Variants in TRMO observed in about 807,000 individuals in gnomAD.
The protein encoded by TRMO is tRNA (adenine(37)-N6)-methyltransferase.
Under a neutral mutation model 37.2 loss-of-function variants are expected in TRMO, and 30 were observed. The observed-to-expected ratio is 0.81, with a 90% CI of 0.60 to 1.09. The LOEUF (loss-of-function observed/expected upper bound fraction) is 1.09. TRMO is among the 50% of genes least tolerant of loss of function. TRMO has a pLI of 0.00. For synonymous variants in TRMO, 239 were observed against 199.4 expected (o/e 1.20, Z -1.67); for missense variants, 552 against 549.5 (o/e 1.00, Z -0.05).
chr9:97,912,393 G>A (rs1376767633), intron 3 of TRMO: 2 of 154,690 alleles, frequency 1.3e-5, no homozygotes, highest in Non-Finnish European at 2.9e-5. Context: ...TTCAGTGCTA[G>A]AAAATATGTC....
intron 2 of TRMO, among the ~76,000 whole-genome samples, chr9:97,914,581 G>C (rs1396272165): frequency 6.6e-6 from 1 of 151,914 alleles, no homozygotes; most frequent in Non-Finnish European, 1.5e-5. Flanking sequence ...GTGTCTAAGG[G>C]GGTTTGTCAC....
chr9:97,915,015 G>T (rs1229397988), intron 2 of TRMO, among the ~76,000 whole-genome samples: 1 of 152,054 alleles, frequency 6.6e-6, no homozygotes, highest in East Asian at 1.9e-4. Flanking sequence ...ATACAAACTA[G>T]GTCAGAACAT....
intron 1 of TRMO, among the ~76,000 whole-genome samples, chr9:97,921,993 C>A (rs1826664333): frequency 6.6e-6 from 1 of 152,038 alleles, no homozygotes; most frequent in African/African-American, 2.4e-5. Flanking sequence ...CTTTCTAGGC[C>A]CAATTTAAAA....
chr9:97,909,399 T>C (rs1464286325), intron 4 of TRMO, among the ~76,000 whole-genome samples: 3 of 152,156 alleles, frequency 2.0e-5, no homozygotes, highest in Admixed American at 6.5e-5. Context: ...GCAGGCTCCA[T>C]GTAAGAGCCC....
intron 1 of TRMO, among the ~76,000 whole-genome samples, chr9:97,920,779 T>C (rs940488873): frequency 3.3e-5 from 5 of 152,250 alleles, no homozygotes; most frequent in African/African-American, 1.2e-4. Flanking sequence ...CTGTCCCCAC[T>C]GCAAGTTCTT....
At chr9:97,922,285 G>C in intron 1 of TRMO, 133 bp downstream of exon 1, 1 of 657,736 alleles carries the variant, frequency 1.5e-6, no homozygotes, top group Non-Finnish European at 2.6e-6. Context: ...CACGTGACCC[G>C]TGCCTTCGCC....
At chr9:97,912,842 A>G in intron 3 of TRMO, 2 of 985,110 alleles carry the variant, frequency 2.0e-6, no homozygotes, top group Non-Finnish European at 2.9e-6. Context: ...ATACGAACAC[A>G]CAGTTAAAAC....
rs774568709 is a variant in TRMO at position 97,922,402 on chromosome 9, C to T, written c.76+16G>A. The stretch of plus-strand genomic sequence containing the variant: ...AAACCTCTCCAGAGTGTGGCACCGC[C>T]GGTGTTGGAAGTTACCTGTCTCCAG... On this transcript the variant is annotated intron_variant, in intron 1 of 4. Transcript: ENST00000375119. The T allele has an allele frequency of 3.3e-6, 5 of 1,534,172 alleles. No homozygotes were observed. Among genetic ancestry groups the T allele is most frequent in the Non-Finnish European group, 3.6e-6 (4 of 1,124,818 alleles).
Position 97,913,485 on chromosome 9 carries a change from C to T in TRMO, c.325G>A (p.Ala109Thr), listed in dbSNP as rs1044165570. Residue 109 changes from alanine to threonine, a missense_variant, in exon 3 of 5, where the codon GCA (alanine) becomes ACA (threonine). Transcript: ENST00000375119. ...CTTGTGGAAAAAACTCCAGTCTTTG[C>T]ACCATTCAGCCTAGGAGGCTGCACT... ...AKVQPPRLNG[A>T]KTGVFSTRSP... 9 of 1,613,968 alleles carry T rather than the reference C, an allele frequency of 5.6e-6. No individual in the cohort carries two copies. Among genetic ancestry groups the T allele is most frequent in the Admixed American group, 5.0e-5 (3 of 59,988 alleles).
At chr9:97,903,207 G>T (rs961070642), downstream of TRMO, among the ~76,000 whole-genome samples, 1 of 152,068 alleles carries the variant, frequency 6.6e-6, no homozygotes, top group Admixed American at 6.5e-5. Flanking sequence ...GGTTAAGGCT[G>T]CAGTGAGCTA....
At chr9:97,914,100 T>G (rs1826248838) in intron 2 of TRMO, 1 of 152,812 alleles carries the variant, frequency 6.5e-6, no homozygotes, top group Non-Finnish European at 1.5e-5. Context: ...ATTACATTTA[T>G]GTACTACAAA....
At chr9:97,913,283 T>C in intron 3 of TRMO, 118 bp downstream of exon 3, 1 of 1,211,986 alleles carries the variant, frequency 8.3e-7, no homozygotes, top group Non-Finnish European at 1.2e-6. Flanking sequence ...GTCTGGTGGT[T>C]CTCAGGAGTT....
Position 97,907,174 on chromosome 9 carries a change from C to T in TRMO, c.1067-2182G>A, listed in dbSNP as rs143742856. 1.7e-3 allele frequency among the ~76,000 whole-genome samples: 258 copies of T among 152,340 alleles called. 1 individual carries two copies. The highest frequency in any genetic ancestry group is 5.9e-3 in the African/African-American group (244 of 41,576). On this transcript the variant is annotated intron_variant, in intron 4 of 4. Transcript: ENST00000375119. ...TCACCACTCATGACCACGAGACTGC[C>T]GTGTCCAGAAGTGCAGGGGGTGCCC... is the stretch of plus-strand genomic sequence containing the variant.
the TRMO span, among the ~76,000 whole-genome samples, chr9:97,899,220 T>G: frequency 1.0e-5 from 1 of 98,100 alleles, no homozygotes; most frequent in Non-Finnish European, 2.0e-5. Context: ...GAAAGCGTAC[T>G]AAAAAAAACC....
the TRMO span, among the ~76,000 whole-genome samples, chr9:97,897,537 C>G: frequency 6.6e-6 from 1 of 152,168 alleles, no homozygotes; most frequent in Non-Finnish European, 1.5e-5. Context: ...TTTGCTGACC[C>G]CTCTTCTAAG....
intron 3 of TRMO, chr9:97,912,892 G>A (rs543265880): frequency 6.6e-5 from 86 of 1,300,034 alleles, no homozygotes; most frequent in Non-Finnish European, 8.6e-5. Context: ...GTTTGTCCTT[G>A]TAGTGTGATT....
At chr9:97,904,430 T>C, downstream of TRMO, 1 of 1,100,064 alleles carries the variant, frequency 9.1e-7, no homozygotes, top group South Asian at 2.9e-5. Context: ...GGAATGAACT[T>C]TGTCTAATTT....
intron 2 of TRMO, 128 bp downstream of exon 2, chr9:97,916,036 C>G (rs1278872318): frequency 3.0e-5 from 19 of 638,570 alleles, no homozygotes; most frequent in Non-Finnish European, 2.6e-6. Flanking sequence ...GACCCTGACT[C>G]AAAAACAAAA....
At chr9:97,918,055 G>A (rs1050778201) in intron 1 of TRMO, among the ~76,000 whole-genome samples, 7 of 151,484 alleles carry the variant, frequency 4.6e-5, no homozygotes, top group Admixed American at 1.3e-4. Flanking sequence ...ATTTAACTTC[G>A]TAATTTCTAT....
Sources: allele counts gnomAD v4.1 joint callset (sites outside exome capture counted in the v4.1 genomes callset), GRCh38; gene constraint gnomAD v4.1.1; transcripts MANE v1.5; gene names NCBI Gene and HGNC (gene_info 2026-07-23, HGNC 2026-07-21).